Variants in LIN28A observed in about 807,000 individuals in gnomAD.
LIN28A encodes protein lin-28 homolog A.
LIN28A carries 11 observed loss-of-function variants against 21.1 expected under a neutral mutation model. The ratio of observed to expected loss-of-function variants is 0.52; its 90% confidence interval spans 0.33 to 0.86. The LOEUF (loss-of-function observed/expected upper bound fraction) is 0.86. Ranked by LOEUF, LIN28A falls within the 40% of genes least tolerant of loss-of-function variation. The pLI, the probability that LIN28A is intolerant of heterozygous loss-of-function variation, is 0.03. For synonymous variants in LIN28A, 111 were observed against 108.7 expected, an observed-to-expected ratio of 1.02 and a Z score of -0.13; for missense variants, 219 against 279.8, an observed-to-expected ratio of 0.78 and a Z score of 1.55.
intron 2 of LIN28A, among the ~76,000 whole-genome samples, chr1:26,414,235 G>C (rs969147162): frequency 2.2e-5 from 3 of 136,322 alleles, no homozygotes; most frequent in African/African-American, 7.5e-5. Context: ...CCGAAGCAGA[G>C]GGTAAGAAAT....
chr1:26,415,188 G>A (rs892185529), intron 2 of LIN28A, among the ~76,000 whole-genome samples: 3 of 152,142 alleles, frequency 2.0e-5, no homozygotes, highest in African/African-American at 7.2e-5. Context: ...TTTGACCAAG[G>A]GACCAAGTTG....
chr1:26,413,611 A>T (rs2074974722), intron 2 of LIN28A, among the ~76,000 whole-genome samples: 2 of 152,012 alleles, frequency 1.3e-5, no homozygotes, highest in Admixed American at 6.6e-5. Context: ...GAGAATTAAG[A>T]ATTTGTCTCT....
intron 2 of LIN28A, among the ~76,000 whole-genome samples, chr1:26,420,842 A>G (rs998258881): frequency 6.6e-6 from 1 of 152,074 alleles, no homozygotes. Context: ...TTGTTTTACT[A>G]TAATAGATGA....
At chr1:26,420,601 C>A (rs866567092) in intron 2 of LIN28A, among the ~76,000 whole-genome samples, 90 of 129,164 alleles carry the variant, frequency 7.0e-4, no homozygotes, top group Admixed American at 8.2e-4. Flanking sequence ...AAGACTTTCT[C>A]AAAAAAAAAA....
intron 2 of LIN28A, among the ~76,000 whole-genome samples, chr1:26,420,312 A>G (rs989392149): frequency 2.6e-5 from 4 of 152,064 alleles, no homozygotes; most frequent in Non-Finnish European, 2.9e-5. Flanking sequence ...AAACAGCGAG[A>G]GAGGTATTGC....
intron 2 of LIN28A, among the ~76,000 whole-genome samples, chr1:26,414,311 G>A (rs2074980898): frequency 1.3e-5 from 2 of 151,794 alleles, no homozygotes; most frequent in East Asian, 2.0e-4. Flanking sequence ...GTGGGCTGGT[G>A]AGAAGGTAAT....
chr1:26,423,413 C>CTTTTTTTTTTTTTTTTTTTTTTTTTTTTT (rs1202952934), intron 2 of LIN28A, among the ~76,000 whole-genome samples: 1 of 78,820 alleles, frequency 1.3e-5, no homozygotes, highest in Admixed American at 2.1e-4. Context: ...TTTTCTTTTT[C>CTTTTTTTTTTTTTTTTTTTTTTTTTTTTT]TTTTTTTTTT....
At chr1:26,414,098 G>A (rs1570309942) in intron 2 of LIN28A, among the ~76,000 whole-genome samples, 1 of 152,172 alleles carries the variant, frequency 6.6e-6, no homozygotes, top group Middle Eastern at 3.4e-3. Flanking sequence ...CAAAGTGCTG[G>A]GATTACAGGC....
At chr1:26,416,443 C>T (rs1000815693) in intron 2 of LIN28A, among the ~76,000 whole-genome samples, 2 of 152,192 alleles carry the variant, frequency 1.3e-5, no homozygotes, top group African/African-American at 4.8e-5. Context: ...CATTGCTAAT[C>T]ACACTCTACT....
rs1257806293 is a variant in LIN28A at position 26,425,391 on chromosome 1, C to G, written c.317C>G (p.Ser106Cys). ...AAGAAGTCAGCCAAGGGTCTGGAAT[C>G]CATCCGTGTCACCGGACCTGGTGGA... ...TFKKSAKGLE[S>C]IRVTGPGGVF... The change falls in exon 3 of 4, where the codon TCC becomes TGC. Residue 106 changes from serine (S) to cysteine (C), a missense_variant. Transcript: ENST00000326279. The G allele has an allele frequency of 1.2e-6, 2 of 1,614,114 alleles. No homozygotes were observed. Among genetic ancestry groups the G allele is most frequent in the Non-Finnish European group, 1.7e-6 (2 of 1,180,020 alleles).
At chr1:26,417,105 C>G (rs1557761637) in intron 2 of LIN28A, among the ~76,000 whole-genome samples, 1 of 152,200 alleles carries the variant, frequency 6.6e-6, no homozygotes, top group African/African-American at 2.4e-5. Flanking sequence ...GGAGATAAAT[C>G]TACCCGAACA....
intron 2 of LIN28A, among the ~76,000 whole-genome samples, chr1:26,422,331 GT>G (rs1557763306): frequency 6.6e-6 from 1 of 151,532 alleles, no homozygotes; most frequent in African/African-American, 2.4e-5. Context: ...ATCTTACATC[GT>G]TTCAGTACAC....
rs2074957234 is a variant in LIN28A, at chr1:26,411,300, G to A, written c.32-86G>A. ...TCCTGGCTGTCCACTTGTGGGGCTG[G>A]ATACTCGGGTCTCCCTGCCTGGGGC... is the stretch of plus-strand genomic sequence containing the variant. On this transcript the variant is annotated intron_variant, in intron 1 of 3. Coordinates refer to ENST00000326279, the MANE Select transcript of LIN28A (RefSeq NM_024674.6). The surrounding 1 kb of genome is among the most constrained non-coding windows in gnomAD (Gnocchi z 5.4). 1 of 1,302,978 alleles carries A rather than the reference G, an allele frequency of 7.7e-7. No homozygotes were observed. Among genetic ancestry groups the A allele is most frequent in the African/African-American group, 1.5e-5 (1 of 66,516 alleles). The allele number at this position is 1,302,978 out of a possible 1,614,324, so 80.7% of individuals were successfully genotyped here.
intron 2 of LIN28A, among the ~76,000 whole-genome samples, chr1:26,422,807 G>T (rs1360976881): frequency 6.6e-6 from 1 of 152,002 alleles, no homozygotes; most frequent in East Asian, 1.9e-4. Context: ...TTTTCCCATA[G>T]CCTTTAGAAT....
chr1:26,425,148 G>T (rs1372421043), intron 2 of LIN28A, among the ~76,000 whole-genome samples, 155 bp from the exon 3 acceptor site: 1 of 152,162 alleles, frequency 6.6e-6, no homozygotes, highest in African/African-American at 2.4e-5. Context: ...AGACTTTGTT[G>T]TTCTTAATCG....
chr1:26,425,116 C>T (rs555260140), intron 2 of LIN28A, among the ~76,000 whole-genome samples, 187 bp from the exon 3 acceptor site: 30 of 152,248 alleles, frequency 2.0e-4, no homozygotes, highest in Non-Finnish European at 1.9e-4. Flanking sequence ...TATATAATTA[C>T]GATTTTTGTT....
intron 2 of LIN28A, among the ~76,000 whole-genome samples, chr1:26,420,843 T>C (rs1445263963): frequency 6.6e-6 from 1 of 152,138 alleles, no homozygotes; most frequent in Non-Finnish European, 1.5e-5. Context: ...TGTTTTACTA[T>C]AATAGATGAA....
chr1:26,417,497 G>C (rs954507556), intron 2 of LIN28A, among the ~76,000 whole-genome samples: 1 of 152,164 alleles, frequency 6.6e-6, no homozygotes, highest in Non-Finnish European at 1.5e-5. Context: ...TTTAAACGTA[G>C]CTACTAGAAA....
intron 2 of LIN28A, among the ~76,000 whole-genome samples, chr1:26,416,297 TGTAAA>T (rs1397388960): frequency 2.0e-5 from 3 of 152,026 alleles, no homozygotes; most frequent in African/African-American, 7.2e-5. Context: ...CCGGCGACAG[TGTAAA>T]GTAAAGGCTG....
Sources: allele counts gnomAD v4.1 joint callset (sites outside exome capture counted in the v4.1 genomes callset), GRCh38; gene constraint gnomAD v4.1.1; non-coding constraint Gnocchi (gnomAD v3.1); transcripts MANE v1.5; gene names NCBI Gene and HGNC (gene_info 2026-07-23, HGNC 2026-07-21).